MMP24: variants seen among roughly 807,000 people sequenced by gnomAD.
The protein encoded by MMP24 is matrix metallopeptidase 24.
MMP24 carries 25 observed loss-of-function variants against 62.8 expected under a neutral mutation model. The ratio of observed to expected loss-of-function variants is 0.40; its 90% CI spans 0.29 to 0.56. MMP24 has a LOEUF of 0.56. Ranked by LOEUF, MMP24 falls within the 20% of genes least tolerant of loss-of-function variation. The pLI, the probability that MMP24 is intolerant of heterozygous loss-of-function variation, is 0.50. For synonymous variants in MMP24, 319 were observed against 350.5 expected, an observed-to-expected ratio of 0.91 and a Z score of 1.00; for missense variants, 634 against 853.6, an observed-to-expected ratio of 0.74 and a Z score of 3.21.
Position 35,274,334 on chromosome 20 carries a change from G to A in MMP24, c.1663G>A (p.Glu555Lys). Residue 555 changes from glutamate (E) to lysine (K), a missense_variant, in exon 9 of 9, where the codon GAG becomes AAG. Physicochemically the swap from Glu to Lys is moderately conservative, Grantham distance 56 (BLOSUM62 1). Coordinates refer to ENST00000246186, the MANE Select transcript of MMP24 (RefSeq NM_006690.4). This position sits in a 1 kb window ranked among gnomAD's most constrained non-coding sequence, Gnocchi z 5.1. ...WKFDNQKLSVEPGYPRNILRD... is the reference protein window; with the variant it reads ...WKFDNQKLSVKPGYPRNILRD... ...GTTTGACAACCAGAAACTGAGCGTG[G>A]AGCCAGGCTACCCGCGCAACATCCT... 1 of 1,613,790 alleles carries A rather than the reference G, an allele frequency of 6.2e-7. No individual in the cohort carries two copies. Among genetic ancestry groups the A allele is most frequent in the South Asian group, 1.1e-5 (1 of 91,086 alleles).
At chr20:35,227,462 T>C (rs1416525232) in intron 1 of MMP24, among the ~76,000 whole-genome samples, 2 of 151,780 alleles carry the variant, frequency 1.3e-5, no homozygotes, top group Non-Finnish European at 2.9e-5. Context: ...AGGATAGACT[T>C]GTTCTAGCTT....
In MMP24 at chr20:35,263,920, A is replaced by G. The variant is rs1274711101; in HGVS notation, c.947A>G (p.Gln316Arg). 4 of 1,612,232 alleles carry G rather than the reference A, an allele frequency of 2.5e-6. No homozygotes were observed. In the East Asian group the frequency reaches 6.7e-5, roughly 27 times the overall value. ...YMETHNFKLP[Q>R]DDLQGIQKIY... ...GAGACGCACAACTTCAAGCTGCCCCAGGACGATCTCCAGGGCATCCAGAAG... is the reference window on the plus strand; with the variant it reads ...GAGACGCACAACTTCAAGCTGCCCCGGGACGATCTCCAGGGCATCCAGAAG... The change falls in exon 5 of 9, where the codon CAG (glutamine) becomes CGG (arginine). Residue 316 changes from glutamine (Q) to arginine (R), a missense_variant. Transcript: ENST00000246186.
chr20:35,265,733 T>A (rs1310616522), intron 5 of MMP24, among the ~76,000 whole-genome samples: 1 of 151,498 alleles, frequency 6.6e-6, no homozygotes, highest in Admixed American at 6.6e-5. Context: ...AAAAATATAT[T>A]AAAATTATCA....
chr20:35,263,646 G>T, intron 4 of MMP24, 145 bp from the exon 5 acceptor site: 1 of 603,004 alleles, frequency 1.7e-6, no homozygotes. Flanking sequence ...GGCAGGGGTT[G>T]TGCCTGATTT....
intron 1 of MMP24, among the ~76,000 whole-genome samples, chr20:35,237,436 A>G (rs2060469499): frequency 6.6e-6 from 1 of 152,176 alleles, no homozygotes. Context: ...TCTTATAAGG[A>G]TGCTTGTGAT....
In MMP24 at chr20:35,226,890, G is replaced by GGGCGGCGGC. The variant is rs1180290790; in HGVS notation, c.164_172dup (p.Ala55_Ala57dup). ...CTCTGCTGCCTCCCGGGCGCCGCGCGGGCGGCGGCGGCGGCGGCGGGGGCA... is the reference window on the plus strand; with the variant it reads ...CTCTGCTGCCTCCCGGGCGCCGCGCGGGCGGCGGCGGCGGCGGCGGCGGCGGCGGGGGCA... On this transcript the variant is annotated inframe_insertion, in exon 1 of 9. Transcript: ENST00000246186. The GGGCGGCGGC allele has an allele frequency of 4.1e-6, 4 of 977,176 alleles. No individual in the cohort carries two copies. Among genetic ancestry groups the GGGCGGCGGC allele is most frequent in the Middle Eastern group, 5.3e-4 (1 of 1,896 alleles). 60.5% of individuals were successfully genotyped at this position (977,176 alleles called of 1,614,324 possible). A position where few individuals can be genotyped will look rare whatever the true frequency, so the allele number is the denominator to read the frequency against.
chr20:35,260,127 G>A (rs1361869696), intron 4 of MMP24, among the ~76,000 whole-genome samples: 7 of 152,062 alleles, frequency 4.6e-5, no homozygotes, highest in African/African-American at 1.7e-4. Flanking sequence ...CATGGAGCAT[G>A]GGGTCCTCAT....
intron 2 of MMP24, among the ~76,000 whole-genome samples, chr20:35,247,750 C>A (rs1600783680): frequency 6.6e-6 from 1 of 152,304 alleles, no homozygotes; most frequent in East Asian, 1.9e-4. Flanking sequence ...CACTCCAGAG[C>A]CCTCCAACAG....
At position 35,271,630 on chromosome 20, in the gene MMP24, G is replaced by T; in HGVS notation, c.1395G>T (p.Gly465=). The T allele has an allele frequency of 6.2e-7, 1 of 1,611,948 alleles. No individual in the cohort carries two copies. Among genetic ancestry groups the T allele is most frequent in the Non-Finnish European group, 8.5e-7 (1 of 1,179,152 alleles). Residue 465 remains glycine (G), a synonymous_variant, in exon 8 of 9, where the codon GGG becomes GGT. Coordinates refer to ENST00000246186, the MANE Select transcript of MMP24 (RefSeq NM_006690.4). The surrounding 1 kb of genome is among the most constrained non-coding windows in gnomAD (Gnocchi z 4.0). ...TVEPGYPHSL[G]ELGSCLPREG... is the part of the protein sequence containing the mutation. ...AGCCTGGGTACCCCCACAGCCTGGGGGAGCTGGGCAGCTGTTTGCCCCGTG... is the reference window on the plus strand; with the variant it reads ...AGCCTGGGTACCCCCACAGCCTGGGTGAGCTGGGCAGCTGTTTGCCCCGTG...
intron 1 of MMP24, among the ~76,000 whole-genome samples, chr20:35,243,742 A>G (rs1600779477): frequency 6.6e-6 from 1 of 152,250 alleles, no homozygotes; most frequent in Admixed American, 6.5e-5. Context: ...ACACGTCAGG[A>G]AAGTCTTCCA....
chr20:35,245,471 C>T (rs974056957), intron 1 of MMP24, among the ~76,000 whole-genome samples: 1 of 149,390 alleles, frequency 6.7e-6, no homozygotes, highest in African/African-American at 2.5e-5. Flanking sequence ...TTTTTTAAGA[C>T]AGAGTCTTGC....
In MMP24 at chr20:35,231,429, C is replaced by G. The variant is rs138041206; in HGVS notation, c.246+4445C>G. On this transcript the variant is annotated intron_variant, in intron 1 of 8. Transcript: ENST00000246186. ...AATATTCTTTCACTGTGATCATGGC[C>G]TCCAGTATATCTTCATTCTTGTCTG... Among the ~76,000 whole-genome samples, 14 of 152,252 alleles carry G rather than the reference C, an allele frequency of 9.2e-5. No individual in the cohort carries two copies. The East Asian group carries it at 2.7e-3, about 29-fold the overall frequency.
In MMP24 at chr20:35,269,886, G is replaced by A; in HGVS notation, c.1321G>A (p.Val441Ile). The A allele has an allele frequency of 6.4e-7, 1 of 1,551,964 alleles. No homozygotes were observed. The highest frequency in any genetic ancestry group is 8.7e-7 in the Non-Finnish European group (1 of 1,147,094). ...AAYERADGRF[V>I]FFKGDKYWVF... ...CTATGAAAGGGCCGATGGGAGATTT[G>A]TCTTCTTCAAAGGTAATGTAGACTG... Residue 441 changes from valine (V) to isoleucine (I), a missense_variant, in exon 7 of 9, where the codon GTC becomes ATC. Coordinates refer to ENST00000246186, the MANE Select transcript of MMP24 (RefSeq NM_006690.4). The surrounding 1 kb of genome is among the most constrained non-coding windows in gnomAD (Gnocchi z 4.6).
At chr20:35,238,202 A>C (rs2060472862) in intron 1 of MMP24, among the ~76,000 whole-genome samples, 2 of 152,196 alleles carry the variant, frequency 1.3e-5, no homozygotes, top group African/African-American at 2.4e-5. Context: ...GACTTTTCTA[A>C]ATGGGTAACA....
chr20:35,265,606 C>T (rs1051497596), intron 5 of MMP24, among the ~76,000 whole-genome samples: 2 of 151,950 alleles, frequency 1.3e-5, no homozygotes, highest in Admixed American at 6.5e-5. Flanking sequence ...AGGCCGGGCG[C>T]GGTGGCTCAA....
intron 2 of MMP24, among the ~76,000 whole-genome samples, chr20:35,250,751 G>C (rs539491678): frequency 6.6e-6 from 1 of 152,152 alleles, no homozygotes; most frequent in East Asian, 1.9e-4. Flanking sequence ...GGAGCAGGGG[G>C]AAGAGTGAGA....
intron 1 of MMP24, among the ~76,000 whole-genome samples, chr20:35,237,703 C>T (rs2060470570): frequency 6.6e-6 from 1 of 152,134 alleles, no homozygotes; most frequent in African/African-American, 2.4e-5. Flanking sequence ...AGGTCATTTG[C>T]CCAAGGGCAC....
rs1444408290 is a variant in MMP24 at position 35,276,013 on chromosome 20, T to C, written c.*1404T>C. ...TAGACAAGGCCAATGGGTTCATCAATGCCCACTGGCTCTCTGCCAAAGCCA... is the reference window on the plus strand; with the variant it reads ...TAGACAAGGCCAATGGGTTCATCAACGCCCACTGGCTCTCTGCCAAAGCCA... On this transcript the variant is annotated 3_prime_UTR_variant, in exon 9 of 9. Transcript: ENST00000246186. 1 of 398,524 alleles carries C rather than the reference T, an allele frequency of 2.5e-6. No individual in the cohort carries two copies. Among genetic ancestry groups the C allele is most frequent in the African/African-American group, 2.1e-5 (1 of 48,610 alleles). The allele number at this position is 398,524 out of a possible 1,614,324, so 24.7% of individuals were successfully genotyped here.
At chr20:35,250,283 G>A (rs1196895397) in intron 2 of MMP24, among the ~76,000 whole-genome samples, 2 of 152,138 alleles carry the variant, frequency 1.3e-5, no homozygotes, top group Non-Finnish European at 2.9e-5. Flanking sequence ...GAATGTGCTG[G>A]GCGCAGTGGC....
Sources: gnomAD v4.1 joint callset for allele counts (sites outside exome capture counted in the v4.1 genomes callset) on GRCh38, gnomAD v4.1.1 for gene constraint, Gnocchi (gnomAD v3.1) non-coding constraint, MANE v1.5 for transcripts, NCBI Gene and HGNC (gene_info 2026-07-23, HGNC 2026-07-21) for gene names.